ROBO2: variants seen among roughly 807,000 people sequenced by gnomAD.
ROBO2 encodes the protein roundabout guidance receptor 2.
In ROBO2, 53 loss-of-function variants were observed where a neutral mutation model predicts 160.8. The ratio of observed to expected loss-of-function variants is 0.33; its 90% CI spans 0.26 to 0.41. The LOEUF (loss-of-function observed/expected upper bound fraction) is 0.41. Ranked by LOEUF, ROBO2 falls within the 10% of genes least tolerant of loss-of-function variation. ROBO2 has a pLI of 1.00. For missense variants in ROBO2, 1,577 were observed against 1,722.4 expected (o/e 0.92, Z 1.49); for synonymous variants, 664 against 611.7 (o/e 1.09, Z -1.26).
chr3:76,896,027 G>A (rs998986519), intron 2 of ROBO2, among the ~76,000 whole-genome samples: 2 of 151,228 alleles, frequency 1.3e-5, no homozygotes, highest in South Asian at 2.1e-4. Context: ...ACCCCACCCC[G>A]GGAGCTCAGT....
chr3:76,147,729 T>C (rs1327663496), intron 2 of ROBO2, among the ~76,000 whole-genome samples: 2 of 151,938 alleles, frequency 1.3e-5, no homozygotes, highest in African/African-American at 4.8e-5. Context: ...TGCGTCTCCC[T>C]GAGGAGTTTT....
intron 2 of ROBO2, among the ~76,000 whole-genome samples, chr3:76,922,719 C>G (rs1332059936): frequency 6.6e-6 from 1 of 152,160 alleles, no homozygotes; most frequent in Non-Finnish European, 1.5e-5. Flanking sequence ...CTGTAAATCA[C>G]TCCTCATCAC....
At chr3:77,055,400 T>C (rs1359346942) in intron 1 of ROBO2, among the ~76,000 whole-genome samples, 1 of 152,100 alleles carries the variant, frequency 6.6e-6, no homozygotes, top group African/African-American at 2.4e-5. Context: ...GGGGACTCCT[T>C]TTCTGGGGAG....
intron 2 of ROBO2, among the ~76,000 whole-genome samples, chr3:76,203,531 A>G (rs4435649): frequency 2.9e-5 from 2 of 67,856 alleles, no homozygotes; most frequent in East Asian, 4.8e-4. Flanking sequence ...GCCTCAGGCT[A>G]TCGGCTTCCC....
intron 2 of ROBO2, among the ~76,000 whole-genome samples, chr3:77,127,516 A>T (rs1332645929): frequency 6.6e-6 from 1 of 152,176 alleles, no homozygotes; most frequent in African/African-American, 2.4e-5. Flanking sequence ...TTGCAAGAAG[A>T]CTATTTACCA....
At chr3:76,433,724 C>T (rs17736190) in intron 2 of ROBO2, among the ~76,000 whole-genome samples, 3,775 of 152,172 alleles carry the variant, frequency 0.025, 80 homozygotes, top group South Asian at 0.1. Context: ...TGTCCATGTC[C>T]GAGAACACGC....
chr3:76,669,834 C>T (rs902985803), intron 2 of ROBO2, among the ~76,000 whole-genome samples: 4 of 152,174 alleles, frequency 2.6e-5, no homozygotes, highest in African/African-American at 9.7e-5. Context: ...ACGTTAACCA[C>T]ACAAGTTTTC....
chr3:76,813,223 A>AT (rs890249190), intron 2 of ROBO2, among the ~76,000 whole-genome samples: 8 of 152,074 alleles, frequency 5.3e-5, no homozygotes, highest in Middle Eastern at 3.2e-3. Flanking sequence ...GACATTTTCC[A>AT]TGTTTAAATA....
At chr3:76,081,996 C>T (rs1490578721) in intron 2 of ROBO2, among the ~76,000 whole-genome samples, 1 of 152,050 alleles carries the variant, frequency 6.6e-6, no homozygotes, top group Non-Finnish European at 1.5e-5. Flanking sequence ...TTGTGACTGG[C>T]AAAGATAATT....
chr3:76,893,659 A>G (rs1029484219), intron 2 of ROBO2, among the ~76,000 whole-genome samples: 1 of 152,104 alleles, frequency 6.6e-6, no homozygotes, highest in Non-Finnish European at 1.5e-5. Context: ...TATAATTTCT[A>G]TGTGTTAGGA....
chr3:76,945,873 C>CT (rs1358281046), intron 2 of ROBO2, among the ~76,000 whole-genome samples: 2 of 152,098 alleles, frequency 1.3e-5, no homozygotes, highest in Non-Finnish European at 2.9e-5. Context: ...GCTTTAATAT[C>CT]TTCATATCCT....
At chr3:76,800,768 T>C (rs897815621) in intron 2 of ROBO2, among the ~76,000 whole-genome samples, 1 of 152,128 alleles carries the variant, frequency 6.6e-6, no homozygotes, top group Non-Finnish European at 1.5e-5. Context: ...TCATACACTC[T>C]TGTCAGGCAT....
intron 2 of ROBO2, among the ~76,000 whole-genome samples, chr3:76,632,563 A>G (rs1042823552): frequency 6.6e-6 from 1 of 152,188 alleles, no homozygotes; most frequent in African/African-American, 2.4e-5. Flanking sequence ...ATCATCAAAG[A>G]AAGGAAAAGT....
At chr3:76,694,618 T>C (rs1318698593) in intron 2 of ROBO2, among the ~76,000 whole-genome samples, 1 of 152,128 alleles carries the variant, frequency 6.6e-6, no homozygotes, top group East Asian at 1.9e-4. Context: ...AAAGCGTTCC[T>C]ATCTTGTAAA....
chr3:76,711,685 G>A (rs1278089669), intron 2 of ROBO2, among the ~76,000 whole-genome samples: 1 of 152,170 alleles, frequency 6.6e-6, no homozygotes, highest in East Asian at 1.9e-4. Context: ...CACTTAGATA[G>A]CCACACGGTG....
At chr3:77,240,914 T>C (rs1044105159) in intron 2 of ROBO2, among the ~76,000 whole-genome samples, 14 of 152,130 alleles carry the variant, frequency 9.2e-5, no homozygotes, top group Non-Finnish European at 1.9e-4. Flanking sequence ...ACAATGAAAA[T>C]GAGCATCAGC....
chr3:76,475,278 C>T (rs1405756521), intron 2 of ROBO2, among the ~76,000 whole-genome samples: 1 of 151,924 alleles, frequency 6.6e-6, no homozygotes, highest in Non-Finnish European at 1.5e-5. Context: ...ATGTCAAAGG[C>T]TCTAGAACAT....
intron 2 of ROBO2, among the ~76,000 whole-genome samples, chr3:76,310,474 TGAG>T (rs1031334204): frequency 4.5e-4 from 69 of 152,318 alleles, no homozygotes; most frequent in African/African-American, 1.5e-3. Context: ...AACTACGTAT[TGAG>T]AACTTGCCCT....
intron 2 of ROBO2, among the ~76,000 whole-genome samples, chr3:77,286,847 C>T (rs764191695): frequency 6.6e-6 from 1 of 152,120 alleles, no homozygotes; most frequent in Non-Finnish European, 1.5e-5. Flanking sequence ...ATTCTGGCCA[C>T]GAGTTTGTAT....
Sources: gnomAD v4.1 joint callset for allele counts (sites outside exome capture counted in the v4.1 genomes callset) on GRCh38, gnomAD v4.1.1 for gene constraint, MANE v1.5 for transcripts, NCBI Gene and HGNC (gene_info 2026-07-23, HGNC 2026-07-21) for gene names.